The following SATB2 variants were observed in gnomAD, a reference collection of about 807,000 sequenced individuals.
SATB2 encodes DNA-binding protein SATB2.
Under a neutral mutation model 73.4 loss-of-function variants are expected in SATB2, and 1 was observed. The ratio of observed to expected loss-of-function variants is 0.01; its 90% CI spans 0.00 to 0.06. The LOEUF is 0.06. SATB2 is among the 10% of genes least tolerant of loss of function. The probability of loss-of-function intolerance (pLI) is 1.00; values close to 1 mark genes in which losing one functional copy is unlikely to be tolerated. For synonymous variants in SATB2, 397 were observed against 367.0 expected, an observed-to-expected ratio of 1.08 and a Z score of -0.93; for missense variants, 459 against 945.8, an observed-to-expected ratio of 0.49 and a Z score of 6.75.
Position 199,321,280 on chromosome 2 carries a change from T to A in SATB2, c.1542+2523A>T, listed in dbSNP as rs578244647. On this transcript the variant is annotated intron_variant, in intron 9 of 10. Coordinates refer to ENST00000417098, the MANE Select transcript of SATB2 (RefSeq NM_001172509.2). ...TATATATATCCATAAGGTGTATGTA[T>A]GTGTATGCATATGTATAGACATATA... 6.6e-5 allele frequency among the ~76,000 whole-genome samples: 10 copies of A among 152,012 alleles called. No homozygotes were observed. In the East Asian group the frequency reaches 1.2e-3, roughly 18 times the overall value.
chr2:199,432,357 A>C (rs1316398733), intron 3 of SATB2, among the ~76,000 whole-genome samples: 2 of 152,208 alleles, frequency 1.3e-5, no homozygotes, highest in Non-Finnish European at 2.9e-5. Flanking sequence ...ACTTTATATC[A>C]ATGTTTAATC....
intron 3 of SATB2, among the ~76,000 whole-genome samples, chr2:199,394,581 C>T (rs116554708): frequency 2.6e-3 from 392 of 152,032 alleles, no homozygotes; most frequent in African/African-American, 9.0e-3. Flanking sequence ...TTGCTTGAGC[C>T]CAGGAGTTGG....
intron 9 of SATB2, among the ~76,000 whole-genome samples, chr2:199,315,275 C>T (rs1375925863): frequency 1.3e-5 from 2 of 151,970 alleles, no homozygotes; most frequent in Non-Finnish European, 2.9e-5. Flanking sequence ...ATATCTATTT[C>T]ACTTATAAAA....
intron 3 of SATB2, among the ~76,000 whole-genome samples, chr2:199,422,109 T>C (rs1691189560): frequency 6.6e-6 from 1 of 152,032 alleles, no homozygotes; most frequent in African/African-American, 2.4e-5. Context: ...ATTAATAATA[T>C]AGACTATGGA....
chr2:199,462,490 T>C (rs544192525), upstream of SATB2, among the ~76,000 whole-genome samples: 1 of 152,290 alleles, frequency 6.6e-6, no homozygotes, highest in African/African-American at 2.4e-5. The surrounding 1 kb of genome is among the most constrained non-coding windows in gnomAD (Gnocchi z 5.9). Flanking sequence ...CAGGGTGGGC[T>C]TCAGCCCTTT....
intron 10 of SATB2, among the ~76,000 whole-genome samples, chr2:199,293,860 G>A (rs951511199): frequency 6.6e-6 from 1 of 151,888 alleles, no homozygotes; most frequent in Non-Finnish European, 1.5e-5. Flanking sequence ...ACATGAAAAA[G>A]GGGGAGAAAG....
At chr2:199,432,239 C>A (rs1691525115) in intron 3 of SATB2, among the ~76,000 whole-genome samples, 1 of 152,174 alleles carries the variant, frequency 6.6e-6, no homozygotes, top group African/African-American at 2.4e-5. Context: ...CTTGATAGAA[C>A]TAAAGTATAA....
intron 3 of SATB2, among the ~76,000 whole-genome samples, chr2:199,418,726 A>G (rs1444710795): frequency 2.0e-5 from 3 of 152,216 alleles, no homozygotes; most frequent in Non-Finnish European, 4.4e-5. Context: ...CCAAAAAGAA[A>G]GCATTACATA....
chr2:199,460,156 C>A (rs970267083), upstream of SATB2, among the ~76,000 whole-genome samples: 8 of 152,122 alleles, frequency 5.3e-5, no homozygotes, highest in Non-Finnish European at 1.2e-4. This position sits in a 1 kb window ranked among gnomAD's most constrained non-coding sequence, Gnocchi z 4.0. Flanking sequence ...ATCCTCCCCC[C>A]GCATACCACC....
chr2:199,361,758 T>TATCAACATTTGGTG (rs1689144188), intron 6 of SATB2, among the ~76,000 whole-genome samples: 4 of 137,072 alleles, frequency 2.9e-5, no homozygotes, highest in Middle Eastern at 3.9e-3. Flanking sequence ...CAACCATTTC[T>TATCAACATTTGGTG]TTTTTTTTTT....
At chr2:199,277,540 C>T (rs542479464) in intron 10 of SATB2, among the ~76,000 whole-genome samples, 11 of 152,218 alleles carry the variant, frequency 7.2e-5, no homozygotes, top group African/African-American at 2.4e-4. Flanking sequence ...TTGGATTTTT[C>T]TCCATCAAAA....
At chr2:199,428,186 C>T (rs1051892112) in intron 3 of SATB2, among the ~76,000 whole-genome samples, 6 of 152,156 alleles carry the variant, frequency 3.9e-5, no homozygotes, top group Non-Finnish European at 7.3e-5. Flanking sequence ...ATTTGAAATG[C>T]TCAACCTACT....
At chr2:199,370,969 T>C (rs992071056) in intron 5 of SATB2, among the ~76,000 whole-genome samples, 2 of 130,112 alleles carry the variant, frequency 1.5e-5, no homozygotes, top group African/African-American at 2.9e-5. Flanking sequence ...AAAAAAAAAG[T>C]AGCAAACAAA....
chr2:199,334,258 GC>G (rs1269834564), intron 7 of SATB2, among the ~76,000 whole-genome samples: 1 of 152,088 alleles, frequency 6.6e-6, no homozygotes, highest in Admixed American at 6.6e-5. Flanking sequence ...GAGAAAATAA[GC>G]CCTATCCCCT....
upstream of SATB2, among the ~76,000 whole-genome samples, chr2:199,466,620 C>T (rs1016035041): frequency 1.3e-5 from 2 of 152,206 alleles, no homozygotes; most frequent in African/African-American, 4.8e-5. Flanking sequence ...TGTCCTCCCC[C>T]AAACAACCTG....
At chr2:199,460,811 ATATTT>A (rs373928134), upstream of SATB2, among the ~76,000 whole-genome samples, 17 of 152,360 alleles carry the variant, frequency 1.1e-4, no homozygotes, top group African/African-American at 3.8e-4. The surrounding 1 kb of genome is among the most constrained non-coding windows in gnomAD (Gnocchi z 4.0). Flanking sequence ...TAAAGTGTAA[ATATTT>A]TATTATGTTT....
At chr2:199,281,052 T>C (rs555502034) in intron 10 of SATB2, among the ~76,000 whole-genome samples, 13 of 152,156 alleles carry the variant, frequency 8.5e-5, no homozygotes, top group African/African-American at 1.9e-4. Flanking sequence ...TCCCTTTATT[T>C]CTCAGACTGG....
rs936005783 is a variant in SATB2, at chr2:199,457,301, C to T, written c.-60+38G>A. The T allele has an allele frequency of 6.6e-6, 1 of 152,032 alleles. No homozygotes were observed. Among genetic ancestry groups the T allele is most frequent in the African/African-American group, 2.4e-5 (1 of 41,368 alleles). 9.4% of individuals were successfully genotyped at this position (152,032 alleles called of 1,614,324 possible). ...GTTGGCCCTGGGCTTCCCCGAACTCCCGAGCGCGGCGCGGGAGCCCTCGCC... is the reference window on the plus strand; with the variant it reads ...GTTGGCCCTGGGCTTCCCCGAACTCTCGAGCGCGGCGCGGGAGCCCTCGCC... On this transcript the variant is annotated intron_variant, in intron 1 of 10. Transcript: ENST00000417098. The surrounding 1 kb of genome is among the most constrained non-coding windows in gnomAD (Gnocchi z 4.8).
chr2:199,391,442 A>C (rs1559025337), intron 3 of SATB2, among the ~76,000 whole-genome samples: 1 of 151,190 alleles, frequency 6.6e-6, no homozygotes, highest in African/African-American at 2.4e-5. Flanking sequence ...CAAAAAAAAA[A>C]AAAAAAAAAA....
Sources: allele counts gnomAD v4.1 joint callset (sites outside exome capture counted in the v4.1 genomes callset), GRCh38; gene constraint gnomAD v4.1.1; non-coding constraint Gnocchi (gnomAD v3.1); transcripts MANE v1.5; gene names NCBI Gene and HGNC (gene_info 2026-07-23, HGNC 2026-07-21).